The following TRPM3 variants were observed in gnomAD, a reference collection of about 807,000 sequenced individuals.
TRPM3 encodes the protein long transient receptor potential channel 3.
In TRPM3, 77 loss-of-function variants were observed where a neutral mutation model predicts 181.2. That is an observed-to-expected ratio of 0.42 (90% CI 0.35 to 0.51). The LOEUF (loss-of-function observed/expected upper bound fraction) is 0.51, where lower values mean the gene tolerates loss of function less well. Among genes scored for constraint, TRPM3 ranks in the 20% least tolerant of loss-of-function variants. The probability of loss-of-function intolerance (pLI) is 0.01; values close to 1 mark genes in which losing one functional copy is unlikely to be tolerated. For missense variants in TRPM3, 1,759 were observed against 2,196.7 expected (o/e 0.80, Z 3.98); for synonymous variants, 745 against 796.4 (o/e 0.94, Z 1.09).
chr9:70,978,846 C>G (rs562029076), intron 1 of TRPM3, among the ~76,000 whole-genome samples: 17 of 152,160 alleles, frequency 1.1e-4, no homozygotes, highest in Non-Finnish European at 2.2e-4. Flanking sequence ...AGCTTAGACA[C>G]CACCTGTATT....
chr9:70,620,041 C>A (rs763377717), intron 16 of TRPM3, 35 bp downstream of exon 16: 4 of 1,576,072 alleles, frequency 2.5e-6, no homozygotes, highest in Non-Finnish European at 3.5e-6. Context: ...TTCCTCCTCT[C>A]CCCCTGACCA....
At chr9:71,377,212 C>T (rs943627092) in intron 1 of TRPM3, among the ~76,000 whole-genome samples, 2 of 152,004 alleles carry the variant, frequency 1.3e-5, no homozygotes, top group African/African-American at 4.8e-5. Flanking sequence ...TTAACAATTC[C>T]TATTGACCAA....
At chr9:71,192,285 A>G (rs6560186) in intron 1 of TRPM3, among the ~76,000 whole-genome samples, 64,995 of 151,492 alleles carry the variant, frequency 0.43, 14,328 homozygotes, top group East Asian at 0.52. Flanking sequence ...AATACAAGAG[A>G]GTAAAATCAT....
At chr9:70,595,926 CT>C in intron 21 of TRPM3, among the ~76,000 whole-genome samples, 1 of 152,234 alleles carries the variant, frequency 6.6e-6, no homozygotes. Flanking sequence ...TGTTTTTTCT[CT>C]CTAGAATGAG....
intron 22 of TRPM3, among the ~76,000 whole-genome samples, chr9:70,572,856 T>C (rs1458992543): frequency 2.0e-5 from 3 of 152,302 alleles, no homozygotes; most frequent in Non-Finnish European, 2.9e-5. Context: ...AGACAGTAAG[T>C]AACTAGATTT....
intron 1 of TRPM3, among the ~76,000 whole-genome samples, chr9:71,245,400 C>T (rs143289171): frequency 0.021 from 3,083 of 149,320 alleles, 55 homozygotes; most frequent in South Asian, 0.054. Flanking sequence ...GCCAAGATCA[C>T]GCCACTGCAC....
Position 71,357,876 on chromosome 9 carries a change from A to T in TRPM3, c.183+88777T>A, listed in dbSNP as rs554168406. ...TATGAAGGAAAGTGATTCCAAAAGC[A>T]CTTGTAAAGCAATATGAAACATGAT... On this transcript the variant is annotated intron_variant, in intron 1 of 24. Coordinates refer to the TRPM3 transcript ENST00000357533. 4.8e-4 allele frequency among the ~76,000 whole-genome samples: 73 copies of T among 152,282 alleles called. 1 individual carries two copies. The highest frequency in any genetic ancestry group is 2.6e-4 in the Admixed American group (4 of 15,278).
intron 1 of TRPM3, among the ~76,000 whole-genome samples, chr9:71,320,309 C>A (rs2089085525): frequency 1.4e-5 from 2 of 147,926 alleles, no homozygotes. Flanking sequence ...AACATATTTG[C>A]AATGTTAATT....
At chr9:71,442,488 G>GA (rs1050117695) in intron 1 of TRPM3, among the ~76,000 whole-genome samples, 7 of 151,960 alleles carry the variant, frequency 4.6e-5, no homozygotes, top group African/African-American at 1.4e-4. Context: ...ATATGGAGGA[G>GA]AAAAAAGAAT....
chr9:70,941,545 C>T (rs534978273), intron 1 of TRPM3, among the ~76,000 whole-genome samples: 39 of 152,262 alleles, frequency 2.6e-4, no homozygotes, highest in African/African-American at 9.4e-4. Context: ...CTTAATAAAC[C>T]CCTCTTCATA....
intron 1 of TRPM3, among the ~76,000 whole-genome samples, chr9:71,241,587 G>C (rs896370754): frequency 6.6e-6 from 1 of 151,956 alleles, no homozygotes. Context: ...TATGGCACAT[G>C]TATACGTATG....
chr9:71,363,394 G>A (rs940098924), intron 1 of TRPM3, among the ~76,000 whole-genome samples: 6 of 152,130 alleles, frequency 3.9e-5, no homozygotes, highest in Non-Finnish European at 5.9e-5. Context: ...ACCATTAATT[G>A]AGATTACAAT....
At chr9:70,921,071 G>GT (rs2096648574) in intron 1 of TRPM3, among the ~76,000 whole-genome samples, 1 of 152,098 alleles carries the variant, frequency 6.6e-6, no homozygotes, top group East Asian at 1.9e-4. Flanking sequence ...TCCCACTCTG[G>GT]TTTTTGGTTA....
intron 5 of TRPM3, among the ~76,000 whole-genome samples, chr9:70,831,983 A>ATATTTATATATATATT (rs1564497435): frequency 1.9e-5 from 2 of 103,424 alleles, no homozygotes; most frequent in African/African-American, 8.5e-5. Context: ...ATATATATAT[A>ATATTTATATATATATT]TATATATATA....
intron 1 of TRPM3, among the ~76,000 whole-genome samples, chr9:71,248,605 T>A (rs977428193): frequency 6.6e-6 from 1 of 152,230 alleles, no homozygotes. Flanking sequence ...TTGTTGCAAA[T>A]CCTGTCTTAA....
At chr9:71,143,578 C>A (rs943835514) in intron 1 of TRPM3, among the ~76,000 whole-genome samples, 2 of 152,074 alleles carry the variant, frequency 1.3e-5, no homozygotes, top group African/African-American at 4.8e-5. Context: ...TTTTCTTTAT[C>A]CAGTCTATCA....
intron 1 of TRPM3, among the ~76,000 whole-genome samples, chr9:70,979,106 C>T (rs546616134): frequency 6.6e-6 from 1 of 152,238 alleles, no homozygotes; most frequent in East Asian, 1.9e-4. Flanking sequence ...CTTCGTGATC[C>T]TAGTGACAGG....
intron 1 of TRPM3, among the ~76,000 whole-genome samples, chr9:70,993,301 G>C (rs1351593796): frequency 2.0e-5 from 3 of 152,182 alleles, no homozygotes; most frequent in Admixed American, 2.0e-4. Context: ...TTACAGTACA[G>C]GTGTGAGGTG....
At chr9:71,225,485 G>T (rs58924401) in intron 1 of TRPM3, among the ~76,000 whole-genome samples, 4,921 of 152,018 alleles carry the variant, frequency 0.032, 286 homozygotes, top group African/African-American at 0.11. Context: ...ACTAAAGAAA[G>T]TAGTTCAATC....
Sources: gnomAD v4.1 joint callset for allele counts (sites outside exome capture counted in the v4.1 genomes callset) on GRCh38, gnomAD v4.1.1 for gene constraint, MANE v1.5 for transcripts, NCBI Gene and HGNC (gene_info 2026-07-23, HGNC 2026-07-21) for gene names.